Variants in MGAT5B observed in about 807,000 individuals in gnomAD.
MGAT5B encodes the protein alpha-1,6-mannosylglycoprotein 6-beta-N-acetylglucosaminyltransferase B.
A neutral mutation model predicts 95.1 loss-of-function variants in MGAT5B; 54 were observed. That is an observed-to-expected ratio of 0.57 (90% CI 0.46 to 0.71). The LOEUF (loss-of-function observed/expected upper bound fraction) is 0.71, where lower values mean the gene tolerates loss of function less well. Ranked by LOEUF, MGAT5B falls within the 30% of genes least tolerant of loss-of-function variation. MGAT5B has a pLI of 0.00. For missense variants in MGAT5B, 935 were observed against 1,088.6 expected (o/e 0.86, Z 1.99); for synonymous variants, 464 against 451.0 (o/e 1.03, Z -0.36).
chr17:76,929,412 C>T (rs1315726843), intron 10 of MGAT5B, among the ~76,000 whole-genome samples: 1 of 152,194 alleles, frequency 6.6e-6, no homozygotes, highest in Non-Finnish European at 1.5e-5. Flanking sequence ...TCACTGATCC[C>T]CTCATCTCCT....
intron 13 of MGAT5B, among the ~76,000 whole-genome samples, chr17:76,939,058 G>GTATGTA (rs1430680365): frequency 4.0e-5 from 6 of 151,620 alleles, no homozygotes; most frequent in African/African-American, 1.5e-4. Context: ...GTGTGTGTGT[G>GTATGTA]TGTGTGTGTG....
At chr17:76,926,538 C>T (rs1969317198) in intron 9 of MGAT5B, 59 bp from the exon 10 acceptor site, 3 of 1,538,660 alleles carry the variant, frequency 1.9e-6, no homozygotes, top group Non-Finnish European at 2.6e-6. Flanking sequence ...GGGGCAACTT[C>T]AGCCCAGGGA....
intron 8 of MGAT5B, 129 bp from the exon 9 acceptor site, chr17:76,924,837 C>T: frequency 8.2e-7 from 1 of 1,218,382 alleles, no homozygotes; most frequent in South Asian, 1.4e-5. Flanking sequence ...ATCCTGCTCA[C>T]TTCCTTTCTG....
At chr17:76,907,952 G>A (rs1968591312) in intron 8 of MGAT5B, among the ~76,000 whole-genome samples, 1 of 152,172 alleles carries the variant, frequency 6.6e-6, no homozygotes, top group African/African-American at 2.4e-5. Context: ...TGAGCATCCT[G>A]TCCTGTGGTT....
At chr17:76,945,352 C>T (rs1354540733) in intron 15 of MGAT5B, among the ~76,000 whole-genome samples, 1 of 152,142 alleles carries the variant, frequency 6.6e-6, no homozygotes, top group Non-Finnish European at 1.5e-5. Context: ...TGCAATGGTG[C>T]AGTCTCAGCT....
intron 8 of MGAT5B, 63 bp from the exon 9 acceptor site, chr17:76,924,903 T>C (rs533318219): frequency 2.5e-6 from 4 of 1,595,840 alleles, no homozygotes; most frequent in Middle Eastern, 1.7e-4. Context: ...TCTAAGGAAC[T>C]GGGGTGGCCG....
In MGAT5B at chr17:76,915,566, C is replaced by T. The variant is rs1968900627; in HGVS notation, c.1025+9379C>T. On this transcript the variant is annotated intron_variant, in intron 8 of 17. Coordinates refer to ENST00000569840, the MANE Select transcript of MGAT5B (RefSeq NM_001199172.2). This position sits in a 1 kb window ranked among gnomAD's most constrained non-coding sequence, Gnocchi z 8.7. Reference sequence around the variant, plus strand: ...GGCAAAATGTTAAGGCTTGATGAGGCTGGGAAGTGGGCGCATTGGAGCATT... The same window carrying T: ...GGCAAAATGTTAAGGCTTGATGAGGTTGGGAAGTGGGCGCATTGGAGCATT... Among the ~76,000 whole-genome samples, 1 of 152,118 alleles carries T rather than the reference C, an allele frequency of 6.6e-6. No homozygotes were observed. The highest frequency in any genetic ancestry group is 1.5e-5 in the Non-Finnish European group (1 of 68,018).
chr17:76,897,420 G>A (rs959446417), intron 3 of MGAT5B, among the ~76,000 whole-genome samples: 1 of 152,182 alleles, frequency 6.6e-6, no homozygotes, highest in Non-Finnish European at 1.5e-5. Context: ...AGCTCGAGGG[G>A]AGACTCCTCC....
In MGAT5B at chr17:76,905,071, A is replaced by G. The variant is rs1293958406; in HGVS notation, c.691-98A>G. On this transcript the variant is annotated intron_variant, in intron 6 of 17. Transcript: ENST00000569840. The surrounding 1 kb of genome is among the most constrained non-coding windows in gnomAD (Gnocchi z 4.2). Reference sequence around the variant, plus strand: ...TGCAGGAGAAGCTGGAGCAGGCCCCAGCCTCATGGGAGGGTGCCAGCCCCT... The same window carrying G: ...TGCAGGAGAAGCTGGAGCAGGCCCCGGCCTCATGGGAGGGTGCCAGCCCCT... 48 of 1,329,560 alleles carry G rather than the reference A, an allele frequency of 3.6e-5. No homozygotes were observed. The highest frequency in any genetic ancestry group is 4.7e-5 in the Non-Finnish European group (46 of 983,452). The allele number at this position is 1,329,560 out of a possible 1,614,324, so 82.4% of individuals were successfully genotyped here. A position where few individuals can be genotyped will look rare whatever the true frequency, so the allele number is the denominator to read the frequency against.
intron 3 of MGAT5B, among the ~76,000 whole-genome samples, chr17:76,898,432 G>A (rs1309119806): frequency 1.3e-5 from 2 of 149,844 alleles, no homozygotes; most frequent in Admixed American, 6.7e-5. Flanking sequence ...GGGTTCAAGC[G>A]ATTCTCCTGC....
chr17:76,875,056 C>G (rs1189916214), intron 2 of MGAT5B, among the ~76,000 whole-genome samples: 1 of 152,188 alleles, frequency 6.6e-6, no homozygotes, highest in Admixed American at 6.5e-5. Context: ...AGGACCAGAA[C>G]GTGATCAGTC....
intron 3 of MGAT5B, among the ~76,000 whole-genome samples, chr17:76,891,919 C>T (rs1967884551): frequency 6.6e-6 from 1 of 152,126 alleles, no homozygotes; most frequent in Non-Finnish European, 1.5e-5. Flanking sequence ...AGGGTTGTTC[C>T]TCTTCCAAGC....
chr17:76,887,043 C>CGCAAA, intron 3 of MGAT5B, among the ~76,000 whole-genome samples: 1 of 133,504 alleles, frequency 7.5e-6, no homozygotes, highest in Admixed American at 7.5e-5. Context: ...GAGTCTGTCT[C>CGCAAA]ACAAAACAAA....
chr17:76,937,517 G>A (rs534601292), intron 12 of MGAT5B, among the ~76,000 whole-genome samples: 2 of 152,064 alleles, frequency 1.3e-5, no homozygotes, highest in East Asian at 3.9e-4. Context: ...ATGGATGGAT[G>A]GATGGATGCA....
At chr17:76,913,683 G>A (rs1300770692) in intron 8 of MGAT5B, 1 of 511,634 alleles carries the variant, frequency 2.0e-6, no homozygotes, top group Admixed American at 2.0e-5. Context: ...AGGAGACTGA[G>A]GAGTAGCCAA....
intron 3 of MGAT5B, among the ~76,000 whole-genome samples, chr17:76,883,957 G>C (rs78982902): frequency 0.029 from 4,390 of 152,318 alleles, 81 homozygotes; most frequent in Non-Finnish European, 0.044. Context: ...TAGCCTGCTG[G>C]TGCTGGGCTG....
chr17:76,939,030 GTGTGTGTGTGT>G (rs1567824653), intron 13 of MGAT5B, among the ~76,000 whole-genome samples: 1 of 41,374 alleles, frequency 2.4e-5, no homozygotes. Context: ...CATCTTGGGG[GTGTGTGTGTGT>G]GTGTGTGTGT....
At chr17:76,902,739 T>TGGGTGGGGGGGGGGCCGG in intron 4 of MGAT5B, 69 bp downstream of exon 4, 1 of 574,734 alleles carries the variant, frequency 1.7e-6, no homozygotes, top group Non-Finnish European at 3.2e-6. Flanking sequence ...GGGTGGGCCC[T>TGGGTGGGGGGGGGGCCGG]GGGAGGGTGG....
chr17:76,871,511 G>A (rs1044315860), intron 1 of MGAT5B, among the ~76,000 whole-genome samples: 1 of 152,100 alleles, frequency 6.6e-6, no homozygotes, highest in Non-Finnish European at 1.5e-5. Context: ...CTTTAAATAT[G>A]GGCTGGGAAT....
Sources: allele counts gnomAD v4.1 joint callset (sites outside exome capture counted in the v4.1 genomes callset), GRCh38; gene constraint gnomAD v4.1.1; non-coding constraint Gnocchi (gnomAD v3.1); transcripts MANE v1.5; gene names NCBI Gene and HGNC (gene_info 2026-07-23, HGNC 2026-07-21).